SLC36A1: variants seen among roughly 807,000 people sequenced by gnomAD.
The protein encoded by SLC36A1 is proton-coupled amino acid transporter 1.
Under a neutral mutation model 47.5 loss-of-function variants are expected in SLC36A1, and 30 were observed. The observed-to-expected ratio is 0.63, with a 90% CI of 0.47 to 0.86. The LOEUF (loss-of-function observed/expected upper bound fraction) is 0.86, where lower values mean the gene tolerates loss of function less well. SLC36A1 is among the 40% of genes least tolerant of loss of function. The pLI, the probability that SLC36A1 is intolerant of heterozygous loss-of-function variation, is 0.00. For missense variants in SLC36A1, 517 were observed against 606.0 expected, an observed-to-expected ratio of 0.85 and a Z score of 1.54; for synonymous variants, 255 against 249.7, an observed-to-expected ratio of 1.02 and a Z score of -0.20.
the SLC36A1 span, chr5:151,550,700 C>G: frequency 6.2e-7 from 1 of 1,614,164 alleles, no homozygotes; most frequent in Non-Finnish European, 8.5e-7. Context: ...CTTCCTGGGT[C>G]TTGGCTGCCA....
the SLC36A1 span, among the ~76,000 whole-genome samples, chr5:151,426,905 A>G: frequency 6.6e-6 from 1 of 152,204 alleles, no homozygotes; most frequent in Admixed American, 6.5e-5. Flanking sequence ...TTTACCAAGC[A>G]TACTGCCTGC....
At chr5:151,353,655 A>AC in the SLC36A1 span, among the ~76,000 whole-genome samples, 93 of 152,242 alleles carry the variant, frequency 6.1e-4, no homozygotes, top group South Asian at 6.2e-3. Flanking sequence ...GCGTGTATCT[A>AC]CCATGAGTAT....
the SLC36A1 span, among the ~76,000 whole-genome samples, chr5:151,533,396 ACACACACACACACAC>A: frequency 1.4e-5 from 1 of 70,218 alleles, no homozygotes; most frequent in Admixed American, 1.3e-4. Flanking sequence ...TATCTCCAAC[ACACACACACACACAC>A]ACACACACAC....
chr5:151,363,578 C>T, the SLC36A1 span, among the ~76,000 whole-genome samples: 2 of 152,084 alleles, frequency 1.3e-5, no homozygotes, highest in African/African-American at 4.8e-5. Flanking sequence ...CAGATCATCC[C>T]CAGAGCTTAT....
the SLC36A1 span, among the ~76,000 whole-genome samples, chr5:151,409,361 G>C: frequency 6.6e-6 from 1 of 152,126 alleles, no homozygotes. Context: ...AGGAGGCAAA[G>C]ACTATCTGAG....
the SLC36A1 span, chr5:151,504,789 AAAG>A: frequency 6.6e-6 from 1 of 152,634 alleles, no homozygotes; most frequent in African/African-American, 2.4e-5. Flanking sequence ...ATTCTTTAAC[AAAG>A]AAGGTTCAGA....
chr5:151,538,475 C>T, the SLC36A1 span, among the ~76,000 whole-genome samples: 14 of 152,192 alleles, frequency 9.2e-5, no homozygotes, highest in African/African-American at 2.9e-4. Flanking sequence ...GTGGCCCCAT[C>T]GCTTGGCCCA....
chr5:151,500,267 T>C, the SLC36A1 span, among the ~76,000 whole-genome samples: 1 of 152,234 alleles, frequency 6.6e-6, no homozygotes, highest in African/African-American at 2.4e-5. Flanking sequence ...GTGACTTACC[T>C]TATTTAAGTT....
chr5:151,371,556 T>C, the SLC36A1 span, among the ~76,000 whole-genome samples: 1 of 152,192 alleles, frequency 6.6e-6, no homozygotes, highest in Non-Finnish European at 1.5e-5. Context: ...CAGAAATTTA[T>C]TCTACTTTAG....
At chr5:151,527,984 C>T in the SLC36A1 span, 1 of 1,613,484 alleles carries the variant, frequency 6.2e-7, no homozygotes, top group Non-Finnish European at 8.5e-7. Context: ...GCGCCCCTCC[C>T]ACATGACTCA....
At chr5:151,506,097 A>G in the SLC36A1 span, 3 of 1,510,572 alleles carry the variant, frequency 2.0e-6, no homozygotes, top group Non-Finnish European at 2.6e-6. Context: ...GCCAGGGTAC[A>G]CTGAAAGGGA....
intron 1 of SLC36A1, among the ~76,000 whole-genome samples, chr5:151,452,978 G>T (rs774646060): frequency 2.6e-5 from 4 of 151,928 alleles, no homozygotes; most frequent in Non-Finnish European, 5.9e-5. Flanking sequence ...AAGGTGGGTG[G>T]ACCACCTGAG....
At chr5:151,552,617 C>CG in the SLC36A1 span, among the ~76,000 whole-genome samples, 7 of 152,306 alleles carry the variant, frequency 4.6e-5, no homozygotes, top group Non-Finnish European at 7.3e-5. Context: ...CCTAAGCGTT[C>CG]GTCAGATTCC....
chr5:151,537,986 C>A, the SLC36A1 span: 8 of 1,588,770 alleles, frequency 5.0e-6, no homozygotes, highest in Admixed American at 3.4e-5. Context: ...ACTGTGGGGA[C>A]TGCATTCAGA....
the SLC36A1 span, among the ~76,000 whole-genome samples, chr5:151,519,678 G>A: frequency 6.6e-6 from 1 of 152,220 alleles, no homozygotes. Flanking sequence ...AGATATATTT[G>A]CTTTATAAAA....
chr5:151,428,781 C>T, the SLC36A1 span, among the ~76,000 whole-genome samples: 916 of 152,236 alleles, frequency 6.0e-3, 14 homozygotes, highest in African/African-American at 0.021. Context: ...GACAGGCATG[C>T]GCCATCACAC....
the SLC36A1 span, among the ~76,000 whole-genome samples, chr5:151,352,369 C>T: frequency 6.6e-6 from 1 of 152,186 alleles, no homozygotes; most frequent in Non-Finnish European, 1.5e-5. Flanking sequence ...AGGCCTGGCT[C>T]ATGGTAGGCT....
chr5:151,538,874 C>G, the SLC36A1 span, among the ~76,000 whole-genome samples: 1 of 150,722 alleles, frequency 6.6e-6, no homozygotes, highest in Non-Finnish European at 1.5e-5. Flanking sequence ...TTAGTAGAGA[C>G]GGGGTTTCAC....
the SLC36A1 span, among the ~76,000 whole-genome samples, chr5:151,422,729 AAATAAT>A: frequency 6.6e-6 from 1 of 151,818 alleles, no homozygotes; most frequent in Non-Finnish European, 1.5e-5. Context: ...CTCCATCTAA[AAATAAT>A]AATAATAATA....
Sources: allele counts gnomAD v4.1 joint callset (sites outside exome capture counted in the v4.1 genomes callset), GRCh38; gene constraint gnomAD v4.1.1; transcripts MANE v1.5; gene names NCBI Gene and HGNC (gene_info 2026-07-23, HGNC 2026-07-21).